Variants in DPYD observed in about 807,000 individuals in gnomAD.
The protein encoded by DPYD is dihydropyrimidine dehydrogenase.
In DPYD, 109 loss-of-function variants were observed where a neutral mutation model predicts 116.2. The observed-to-expected ratio is 0.94, with a 90% confidence interval of 0.80 to 1.10. DPYD has a LOEUF of 1.10. DPYD is among the 50% of genes least tolerant of loss of function. The pLI, the probability that DPYD is intolerant of heterozygous loss-of-function variation, is 0.00. For missense variants in DPYD, 1,302 were observed against 1,254.5 expected (o/e 1.04, Z -0.57); for synonymous variants, 440 against 432.0 (o/e 1.02, Z -0.23).
At chr1:97,398,958 C>T (rs1673181041) in intron 14 of DPYD, among the ~76,000 whole-genome samples, 1 of 152,046 alleles carries the variant, frequency 6.6e-6, no homozygotes, top group Non-Finnish European at 1.5e-5. Context: ...TAATTAGATC[C>T]CATTTGTCAA....
At chr1:97,394,050 G>A (rs1334822667) in intron 14 of DPYD, 1 of 152,160 alleles carries the variant, frequency 6.6e-6, no homozygotes, top group Non-Finnish European at 1.5e-5. Flanking sequence ...TGGTGACGAT[G>A]AGCATCTTTT....
At chr1:97,214,236 G>C (rs971330956) in intron 19 of DPYD, among the ~76,000 whole-genome samples, 3 of 151,992 alleles carry the variant, frequency 2.0e-5, no homozygotes, top group Non-Finnish European at 4.4e-5. Flanking sequence ...CTTGATTTAG[G>C]TTATGATATG....
intron 12 of DPYD, among the ~76,000 whole-genome samples, chr1:97,525,466 C>T (rs1648984265): frequency 6.6e-6 from 1 of 152,050 alleles, no homozygotes; most frequent in Non-Finnish European, 1.5e-5. Flanking sequence ...CTATCTCCCG[C>T]TTGATTTAAT....
intron 20 of DPYD, among the ~76,000 whole-genome samples, chr1:97,141,089 C>G (rs892253331): frequency 6.6e-6 from 1 of 151,910 alleles, no homozygotes; most frequent in Non-Finnish European, 1.5e-5. Context: ...TCATAGTGAT[C>G]CAAAATGGAA....
intron 12 of DPYD, among the ~76,000 whole-genome samples, chr1:97,530,960 G>A (rs1044553481): frequency 1.3e-5 from 2 of 152,054 alleles, no homozygotes; most frequent in Admixed American, 6.6e-5. Flanking sequence ...TTTAAAATTG[G>A]ACTATTTAAA....
intron 3 of DPYD, among the ~76,000 whole-genome samples, chr1:97,766,229 G>A (rs779537424): frequency 6.6e-6 from 1 of 152,002 alleles, no homozygotes; most frequent in Non-Finnish European, 1.5e-5. Context: ...CAACAAGAGA[G>A]AAACTCAGTC....
intron 16 of DPYD, among the ~76,000 whole-genome samples, chr1:97,358,794 C>A (rs142412362): frequency 0.034 from 5,170 of 152,172 alleles, 464 homozygotes; most frequent in East Asian, 0.26. Flanking sequence ...TACACCAAAA[C>A]CCTATCTGTA....
At chr1:97,703,774 T>G (rs1291006246) in intron 5 of DPYD, among the ~76,000 whole-genome samples, 1 of 152,054 alleles carries the variant, frequency 6.6e-6, no homozygotes, top group Non-Finnish European at 1.5e-5. Flanking sequence ...CTCATGAGCA[T>G]AGTTAATGGG....
At chr1:97,584,988 G>C (rs867278367) in intron 10 of DPYD, among the ~76,000 whole-genome samples, 2 of 149,958 alleles carry the variant, frequency 1.3e-5, no homozygotes, top group African/African-American at 4.9e-5. Flanking sequence ...AATAAAATGT[G>C]TACTTATTTA....
At chr1:97,910,558 G>C (rs1457096564) in intron 1 of DPYD, among the ~76,000 whole-genome samples, 2 of 152,018 alleles carry the variant, frequency 1.3e-5, no homozygotes. Flanking sequence ...CTTTTACAAT[G>C]AGAAAACTGA....
At position 97,549,847 on chromosome 1, in the gene DPYD, G is replaced by A. The variant is rs1487993021; in HGVS notation, c.1340-103C>T. On this transcript the variant is annotated intron_variant, in intron 11 of 22. Transcript: ENST00000370192. ...AAATTATGGTTTAATTATTGTTCCA[G>A]GGATTCAAACAACTGTTTTTAGTAA... is the stretch of plus-strand genomic sequence containing the variant. The A allele has an allele frequency of 4.7e-6, 5 of 1,071,892 alleles. No homozygotes were observed. The African/African-American group carries it at 8.0e-5, about 17-fold the overall frequency. 66.4% of individuals were successfully genotyped at this position (1,071,892 alleles called of 1,614,324 possible). A position where few individuals can be genotyped will look rare whatever the true frequency, so the allele number is the denominator to read the frequency against.
intron 11 of DPYD, among the ~76,000 whole-genome samples, chr1:97,566,572 T>TA (rs1482904202): frequency 2.0e-5 from 3 of 152,190 alleles, no homozygotes; most frequent in Non-Finnish European, 4.4e-5. Context: ...ATTAGCAATA[T>TA]AATGCAGTAT....
intron 16 of DPYD, among the ~76,000 whole-genome samples, chr1:97,352,282 A>C (rs145542961): frequency 1.3e-5 from 2 of 152,340 alleles, no homozygotes; most frequent in Non-Finnish European, 2.9e-5. Flanking sequence ...GGAATATAAA[A>C]GATTGAACAA....
At chr1:97,721,455 G>C in intron 5 of DPYD, 55 bp downstream of exon 5, 1 of 1,597,976 alleles carries the variant, frequency 6.3e-7, no homozygotes, top group Non-Finnish European at 8.6e-7. Flanking sequence ...GTTATTTTAA[G>C]ATATTTGTGC....
intron 18 of DPYD, among the ~76,000 whole-genome samples, chr1:97,265,128 C>T (rs1398730921): frequency 6.6e-6 from 1 of 152,118 alleles, no homozygotes; most frequent in East Asian, 1.9e-4. Context: ...AGACTCCTGC[C>T]TCACTGATAC....
intron 8 of DPYD, among the ~76,000 whole-genome samples, chr1:97,650,014 A>G (rs951848611): frequency 2.6e-5 from 4 of 151,714 alleles, no homozygotes; most frequent in Admixed American, 2.0e-4. Context: ...AAATCTGATC[A>G]TTTCACTTCC....
intron 4 of DPYD, among the ~76,000 whole-genome samples, chr1:97,727,504 T>C (rs1438144718): frequency 6.6e-6 from 1 of 151,606 alleles, no homozygotes. Context: ...ATTGAATAGA[T>C]GATGTGGAAA....
chr1:97,146,981 T>C (rs1467827262), intron 20 of DPYD, among the ~76,000 whole-genome samples: 1 of 152,136 alleles, frequency 6.6e-6, no homozygotes, highest in Admixed American at 6.5e-5. Flanking sequence ...GAGGCTGTTA[T>C]AGGAAGGAGG....
intron 18 of DPYD, among the ~76,000 whole-genome samples, chr1:97,302,233 GTT>G (rs1666907560): frequency 6.6e-6 from 1 of 151,954 alleles, no homozygotes; most frequent in South Asian, 2.1e-4. Context: ...AGAATCAATG[GTT>G]TAGACAGAGT....
Sources: allele counts gnomAD v4.1 joint callset (sites outside exome capture counted in the v4.1 genomes callset), GRCh38; gene constraint gnomAD v4.1.1; transcripts MANE v1.5; gene names NCBI Gene and HGNC (gene_info 2026-07-23, HGNC 2026-07-21).